The following ARID4B variants were observed in gnomAD, a reference collection of about 807,000 sequenced individuals.
The protein encoded by ARID4B is AT-rich interaction domain 4B, also known as AT-rich interactive domain-containing protein 4B.
A neutral mutation model predicts 147.5 loss-of-function variants in ARID4B; 26 were observed. That is an observed-to-expected ratio of 0.18 (90% confidence interval 0.13 to 0.24). ARID4B has a LOEUF of 0.24. Ranked by LOEUF, ARID4B falls within the 10% of genes least tolerant of loss-of-function variation. ARID4B has a pLI of 1.00. For synonymous variants in ARID4B, 512 were observed against 507.9 expected (o/e 1.01, Z -0.11); for missense variants, 1,179 against 1,511.5 (o/e 0.78, Z 3.65).
intron 19 of ARID4B, chr1:235,189,995 G>GA (rs1664980138): frequency 6.5e-6 from 1 of 154,376 alleles, no homozygotes; most frequent in African/African-American, 2.4e-5. Flanking sequence ...TTGCTAGAAT[G>GA]AAAGAGTCTA....
intron 2 of ARID4B, among the ~76,000 whole-genome samples, chr1:235,269,790 G>A (rs992810966): frequency 1.3e-5 from 2 of 151,806 alleles, no homozygotes; most frequent in Non-Finnish European, 2.9e-5. Context: ...GAGATTACAT[G>A]AACTATTTAT....
chr1:235,310,075 G>C (rs1287389288), intron 2 of ARID4B, among the ~76,000 whole-genome samples: 1 of 151,730 alleles, frequency 6.6e-6, no homozygotes, highest in Non-Finnish European at 1.5e-5. Context: ...AGGAAAACCA[G>C]AGACCTTTGT....
chr1:235,302,361 G>GT (rs1423692246), intron 2 of ARID4B, among the ~76,000 whole-genome samples: 1 of 150,322 alleles, frequency 6.7e-6, no homozygotes, highest in Non-Finnish European at 1.5e-5. Context: ...AGGGAAAGGA[G>GT]TGGGGACAGA....
intron 2 of ARID4B, chr1:235,295,995 C>G (rs936110120): frequency 6.5e-6 from 1 of 154,796 alleles, no homozygotes; most frequent in African/African-American, 2.4e-5. Context: ...AAGATCTTCA[C>G]GTCACCCACC....
intron 2 of ARID4B, among the ~76,000 whole-genome samples, chr1:235,276,028 G>A (rs1671291297): frequency 6.6e-6 from 1 of 152,024 alleles, no homozygotes; most frequent in African/African-American, 2.4e-5. Context: ...CTCCTAGCTA[G>A]TGAGGGGGCT....
chr1:235,220,413 A>AT lies in ARID4B; in HGVS notation c.1295dup (p.Asn432LysfsTer2). 1 of 1,612,010 alleles carries AT rather than the reference A, an allele frequency of 6.2e-7. No homozygotes were observed. The highest frequency in any genetic ancestry group is 2.2e-5 in the East Asian group (1 of 44,722). On this transcript the variant is annotated frameshift_variant, in exon 15 of 24. Coordinates refer to ENST00000264183, the MANE Select transcript of ARID4B (RefSeq NM_016374.6). LOFTEE classifies it high-confidence loss of function. ...TCTTTATTTCTTTGATCTCTGTTTC[A>AT]TTTTCCTCCTTAACTTTTATTTCTT...
chr1:235,227,045 C>T (rs1322325899), intron 11 of ARID4B, among the ~76,000 whole-genome samples: 1 of 152,124 alleles, frequency 6.6e-6, no homozygotes, highest in East Asian at 1.9e-4. Context: ...ACAGGTTTCT[C>T]TTTAGAGAGA....
intron 21 of ARID4B, among the ~76,000 whole-genome samples, chr1:235,177,142 A>C (rs1205867571): frequency 6.6e-6 from 1 of 152,180 alleles, no homozygotes; most frequent in Non-Finnish European, 1.5e-5. Flanking sequence ...TATAGTTCTA[A>C]AGTTATCTTG....
rs149769753 is a variant in ARID4B at position 235,223,684 on chromosome 1, C to CGTTTTTTTT, written c.971-425_971-424insAAAAAAAAC. ...AAATAATGATTCTATAGTAAAGCTA[C>CGTTTTTTTT]ATTTTTTTTTTTTTTTCATTCTAAC... On this transcript the variant is annotated intron_variant, in intron 12 of 23. Transcript: ENST00000264183. 3.4e-4 allele frequency among the ~76,000 whole-genome samples: 40 copies of CGTTTTTTTT among 117,142 alleles called. 2 individuals are homozygous for CGTTTTTTTT. Among genetic ancestry groups the CGTTTTTTTT allele is most frequent in the South Asian group, 5.9e-4 (2 of 3,400 alleles). 76.8% of individuals were successfully genotyped at this position (117,142 alleles called of 152,430 possible). A position where few individuals can be genotyped will look rare whatever the true frequency, so the allele number is the denominator to read the frequency against.
chr1:235,233,977 G>A (rs1668401998), intron 9 of ARID4B, among the ~76,000 whole-genome samples: 1 of 152,174 alleles, frequency 6.6e-6, no homozygotes, highest in South Asian at 2.1e-4. Context: ...TACTCAGGAG[G>A]CTGAGGCAGG....
At chr1:235,282,626 A>T (rs986007851) in intron 2 of ARID4B, among the ~76,000 whole-genome samples, 1 of 152,142 alleles carries the variant, frequency 6.6e-6, no homozygotes, top group African/African-American at 2.4e-5. Context: ...CTACACAATA[A>T]AGCCTGTACT....
chr1:235,302,123 T>C (rs568283258), intron 2 of ARID4B, among the ~76,000 whole-genome samples: 48 of 119,010 alleles, frequency 4.0e-4, no homozygotes, highest in African/African-American at 1.4e-3. Context: ...CATAAGCCAC[T>C]GTGCCTGGCT....
chr1:235,300,022 C>T (rs1304509388), intron 2 of ARID4B, among the ~76,000 whole-genome samples: 1 of 152,128 alleles, frequency 6.6e-6, no homozygotes, highest in Non-Finnish European at 1.5e-5. Flanking sequence ...TACCCTCGCT[C>T]CCCCATAAAA....
chr1:235,221,565 T>C lies in ARID4B; in HGVS notation c.1163A>G (p.Lys388Arg), dbSNP rs1300113269. Residue 388 changes from lysine to arginine, a missense_variant and splice_region_variant, in exon 14 of 24, where the codon AAA (lysine) becomes AGA (arginine). This residue lies in a region of ARID4B where 204 missense variants were observed against 210.9 expected (regional missense o/e 0.97). Coordinates refer to ENST00000264183, the MANE Select transcript of ARID4B (RefSeq NM_016374.6). ...AGYNVKCAYK[K>R]YLYGFEEYCR... is the part of the protein sequence containing the mutation. ...AATCATATCAATTATACTAACTTAC[T>C]TTTTATAAGCACATTTAACATTGTA... 1.3e-6 allele frequency: 2 copies of C among 1,566,996 alleles called. No individual in the cohort carries two copies. The highest frequency in any genetic ancestry group is 1.7e-6 in the Non-Finnish European group (2 of 1,144,538).
At chr1:235,232,974 A>G (rs1193604930) in intron 9 of ARID4B, among the ~76,000 whole-genome samples, 1 of 151,994 alleles carries the variant, frequency 6.6e-6, no homozygotes, top group Non-Finnish European at 1.5e-5. Flanking sequence ...AGTAGCTGGA[A>G]TTACAGGCGC....
At chr1:235,207,474 G>T (rs1403918945) in intron 17 of ARID4B, among the ~76,000 whole-genome samples, 1 of 152,074 alleles carries the variant, frequency 6.6e-6, no homozygotes, top group African/African-American at 2.4e-5. Flanking sequence ...CAAAAGGAGA[G>T]AAAAAGAACA....
At position 235,219,809 on chromosome 1, in the gene ARID4B, C is replaced by G. The variant is rs1161558938; in HGVS notation, c.1567G>C (p.Glu523Gln). The change falls in exon 16 of 24, where the codon GAA becomes CAA. Residue 523 changes from glutamate to glutamine, a missense_variant. Physicochemically the swap from Glu to Gln is conservative, Grantham distance 29. This residue lies in a region of ARID4B where 204 missense variants were observed against 210.9 expected (regional missense o/e 0.97). Transcript: ENST00000264183. ...SLNIKVEAEE[E>Q]KAKSGDETNK... ...TTTTCTTACCCAGATTTTGCTTTTT[C>G]TTCCTCAGCTTCTACCTTTATGTTG... 1 of 1,596,198 alleles carries G rather than the reference C, an allele frequency of 6.3e-7. No individual in the cohort carries two copies. The highest frequency in any genetic ancestry group is 1.9e-5 in the Admixed American group (1 of 53,926).
chr1:235,185,287 G>A (rs1435479453), intron 19 of ARID4B, among the ~76,000 whole-genome samples: 1 of 152,122 alleles, frequency 6.6e-6, no homozygotes, highest in East Asian at 1.9e-4. Context: ...TAGTACATTT[G>A]ATAAACTTCC....
chr1:235,206,772 G>A (rs1314960819), intron 17 of ARID4B, among the ~76,000 whole-genome samples: 1 of 152,170 alleles, frequency 6.6e-6, no homozygotes, highest in African/African-American at 2.4e-5. Flanking sequence ...GCACAGTTGT[G>A]GAGACACAGT....
Sources: gnomAD v4.1 joint callset for allele counts (sites outside exome capture counted in the v4.1 genomes callset) on GRCh38, gnomAD v4.1.1 for gene constraint, gnomAD v4.1.1 regional missense constraint, MANE v1.5 for transcripts, NCBI Gene and HGNC (gene_info 2026-07-23, HGNC 2026-07-21) for gene names.